The following SHC3 variants were observed in gnomAD, a reference collection of about 807,000 sequenced individuals.
SHC3 encodes the protein SHC adaptor protein 3.
In SHC3, 15 loss-of-function variants were observed where a neutral mutation model predicts 60.4. The ratio of observed to expected loss-of-function variants is 0.25; its 90% CI spans 0.17 to 0.38. The LOEUF (loss-of-function observed/expected upper bound fraction) is 0.38. SHC3 is among the 10% of genes least tolerant of loss of function. SHC3 has a pLI of 1.00. For synonymous variants in SHC3, 294 were observed against 325.9 expected, an observed-to-expected ratio of 0.90 and a Z score of 1.05; for missense variants, 677 against 786.1, an observed-to-expected ratio of 0.86 and a Z score of 1.66.
intron 2 of SHC3, chr9:89,109,006 A>G (rs770901659): frequency 1.3e-5 from 13 of 963,302 alleles, no homozygotes; most frequent in Non-Finnish European, 1.6e-5. Context: ...GCATTCCTCG[A>G]CTTCTGACAT....
At chr9:89,159,493 C>T (rs947719219) in intron 1 of SHC3, among the ~76,000 whole-genome samples, 2 of 152,124 alleles carry the variant, frequency 1.3e-5, no homozygotes, top group Non-Finnish European at 2.9e-5. Context: ...TCCGTTCTGC[C>T]GGGCTTGAGA....
chr9:89,173,006 A>G (rs1826892158), intron 1 of SHC3, among the ~76,000 whole-genome samples: 2 of 152,156 alleles, frequency 1.3e-5, no homozygotes, highest in Non-Finnish European at 2.9e-5. Context: ...TTCCAATTAC[A>G]TTAGATGCTG....
chr9:89,082,104 G>A (rs991224252), intron 2 of SHC3, among the ~76,000 whole-genome samples: 1 of 152,092 alleles, frequency 6.6e-6, no homozygotes, highest in Non-Finnish European at 1.5e-5. Context: ...AGATTCTTGA[G>A]ACTAAATCTC....
chr9:89,040,171 T>G (rs1484444845), intron 10 of SHC3, among the ~76,000 whole-genome samples: 1 of 90,314 alleles, frequency 1.1e-5, no homozygotes, highest in Non-Finnish European at 2.5e-5. Context: ...ACCATCATCA[T>G]CACTATCAAC....
intron 1 of SHC3, among the ~76,000 whole-genome samples, chr9:89,126,500 C>A (rs1826167649): frequency 6.6e-6 from 1 of 152,152 alleles, no homozygotes; most frequent in Non-Finnish European, 1.5e-5. Context: ...ACATGGGGAA[C>A]TTTATTCTCC....
intron 1 of SHC3, among the ~76,000 whole-genome samples, chr9:89,150,328 CA>C (rs201317630): frequency 3.3e-5 from 5 of 150,114 alleles, no homozygotes; most frequent in East Asian, 1.9e-4. Flanking sequence ...TTCATAATCC[CA>C]AAAAAAAACC....
chr9:89,108,988 C>T, intron 2 of SHC3: 2 of 898,456 alleles, frequency 2.2e-6, no homozygotes, highest in Non-Finnish European at 1.3e-6. Context: ...TGTAATAGAA[C>T]CTTCAAAGCA....
At chr9:89,042,422 A>C (rs960831793) in intron 9 of SHC3, among the ~76,000 whole-genome samples, 1 of 152,176 alleles carries the variant, frequency 6.6e-6, no homozygotes, top group Non-Finnish European at 1.5e-5. Flanking sequence ...GGACACCTTG[A>C]TGGCTCCACT....
chr9:89,010,707 T>C lies in SHC3; in HGVS notation c.*2740A>G, dbSNP rs1015528380. On this transcript the variant is annotated 3_prime_UTR_variant, in exon 12 of 12. Coordinates refer to ENST00000375835, the MANE Select transcript of SHC3 (RefSeq NM_016848.6). The stretch of plus-strand genomic sequence containing the variant: ...AGGCCTAATGCCATTCCCGCTGCGT[T>C]CATTGTTCAGCTTCCCTGCCCTGCC... The C allele has an allele frequency of 2.0e-5, 3 of 152,398 alleles. No homozygotes were observed. The highest frequency in any genetic ancestry group is 4.4e-5 in the Non-Finnish European group (3 of 68,164). The allele number at this position is 152,398 out of a possible 1,614,324, so 9.4% of individuals were successfully genotyped here.
At chr9:89,153,085 T>C (rs1826566395) in intron 1 of SHC3, among the ~76,000 whole-genome samples, 1 of 152,194 alleles carries the variant, frequency 6.6e-6, no homozygotes, top group Admixed American at 6.5e-5. Context: ...TATGTGCTCG[T>C]TGAGCTGATT....
chr9:89,038,684 A>G (rs575407415), intron 10 of SHC3, among the ~76,000 whole-genome samples: 1 of 152,370 alleles, frequency 6.6e-6, no homozygotes, highest in African/African-American at 2.4e-5. Flanking sequence ...AATTCTGAAC[A>G]AAAATCTGCC....
At chr9:89,159,216 A>G (rs1165133320) in intron 1 of SHC3, among the ~76,000 whole-genome samples, 1 of 152,254 alleles carries the variant, frequency 6.6e-6, no homozygotes, top group African/African-American at 2.4e-5. Flanking sequence ...CATGAACTAA[A>G]GACCAAATTA....
chr9:89,137,714 T>C (rs1167173244), intron 1 of SHC3, among the ~76,000 whole-genome samples: 1 of 152,154 alleles, frequency 6.6e-6, no homozygotes. Context: ...AGTGATAGAA[T>C]AAACTGAGCT....
Position 89,162,245 on chromosome 9 carries a change from T to G in SHC3, c.474+15742A>C, listed in dbSNP as rs1260606984. Among the ~76,000 whole-genome samples the G allele has an allele frequency of 6.7e-5, 10 of 149,078 alleles. No individual in the cohort carries two copies. The East Asian group carries it at 2.0e-3, about 29-fold the overall frequency. ...TTCACAGAATTGGAAAAAACTACTT[T>G]AAAGTTCATATGGAACCAAAAAAGA... On this transcript the variant is annotated intron_variant, in intron 1 of 11. Transcript: ENST00000375835.
intron 1 of SHC3, among the ~76,000 whole-genome samples, chr9:89,113,110 G>A (rs1229535897): frequency 6.6e-6 from 1 of 152,050 alleles, no homozygotes; most frequent in East Asian, 1.9e-4. Context: ...GTCATTATCT[G>A]ATAAATATAT....
chr9:89,177,544 C>T (rs758299697), intron 1 of SHC3, among the ~76,000 whole-genome samples: 2 of 152,222 alleles, frequency 1.3e-5, no homozygotes, highest in African/African-American at 2.4e-5. Context: ...TACCCACCCT[C>T]CCGCCGGGGA....
chr9:89,126,924 C>T (rs957610518), intron 1 of SHC3, among the ~76,000 whole-genome samples: 1 of 152,110 alleles, frequency 6.6e-6, no homozygotes, highest in Admixed American at 6.6e-5. Flanking sequence ...GGGAGCTTGA[C>T]CTTGTAACCA....
chr9:89,075,246 A>G lies in SHC3; in HGVS notation c.610-18T>C, dbSNP rs781548943. ...CTTGGAGGCTGTGAAATTAAAGAGCATTATTTTAGCTGTTTCATTTCCATC... is the reference window on the plus strand; with the variant it reads ...CTTGGAGGCTGTGAAATTAAAGAGCGTTATTTTAGCTGTTTCATTTCCATC... On this transcript the variant is annotated intron_variant, in intron 3 of 11. Transcript: ENST00000375835. 8 of 1,612,786 alleles carry G rather than the reference A, an allele frequency of 5.0e-6. No individual in the cohort carries two copies. In the Admixed American group the frequency reaches 5.0e-5, roughly 10 times the overall value.
At chr9:89,130,579 T>A (rs1030431726) in intron 1 of SHC3, among the ~76,000 whole-genome samples, 1 of 152,176 alleles carries the variant, frequency 6.6e-6, no homozygotes, top group African/African-American at 2.4e-5. Flanking sequence ...CAGACCACAG[T>A]GCAATCAAAC....
Sources: gnomAD v4.1 joint callset for allele counts (sites outside exome capture counted in the v4.1 genomes callset) on GRCh38, gnomAD v4.1.1 for gene constraint, MANE v1.5 for transcripts, NCBI Gene and HGNC (gene_info 2026-07-23, HGNC 2026-07-21) for gene names.